CNOT2: variants seen among roughly 807,000 people sequenced by gnomAD.
CNOT2 encodes CC chemokine receptor 4-negative regulator of transcription 2.
CNOT2 carries 7 observed loss-of-function variants against 72.1 expected under a neutral mutation model. The observed-to-expected ratio is 0.10, with a 90% CI of 0.06 to 0.18. The LOEUF is 0.18. Ranked by LOEUF, CNOT2 falls within the 10% of genes least tolerant of loss-of-function variation. The pLI is 1.00. For synonymous variants in CNOT2, 196 were observed against 225.6 expected (o/e 0.87, Z 1.17); for missense variants, 345 against 660.3 (o/e 0.52, Z 5.23).
intron 1 of CNOT2, among the ~76,000 whole-genome samples, chr12:70,258,424 T>G (rs1419283304): frequency 1.3e-5 from 2 of 152,230 alleles, no homozygotes; most frequent in African/African-American, 4.8e-5. Context: ...AGCTTATGTT[T>G]TCTGGAGGGC....
intron 15 of CNOT2, 150 bp downstream of exon 15, chr12:70,346,474 C>T: frequency 1.8e-6 from 1 of 549,394 alleles, no homozygotes. Context: ...GCTTGACACT[C>T]TTAGAAGAGT....
chr12:70,339,112 A>ACACACC (rs1565828719), intron 11 of CNOT2, among the ~76,000 whole-genome samples: 1 of 149,826 alleles, frequency 6.7e-6, no homozygotes, highest in African/African-American at 2.5e-5. Context: ...ACACACACAC[A>ACACACC]CCTTCCAGAA....
At chr12:70,259,486 C>T (rs931392295) in intron 1 of CNOT2, among the ~76,000 whole-genome samples, 1 of 152,084 alleles carries the variant, frequency 6.6e-6, no homozygotes, top group African/African-American at 2.4e-5. Flanking sequence ...AGAATATTCC[C>T]ATCAACCCTC....
At chr12:70,303,666 A>C (rs1874579809) in intron 2 of CNOT2, among the ~76,000 whole-genome samples, 1 of 151,982 alleles carries the variant, frequency 6.6e-6, no homozygotes, top group African/African-American at 2.4e-5. Flanking sequence ...CCTTCATTTC[A>C]ACTTTGGTGA....
At chr12:70,243,512 C>G (rs1293767608) in intron 1 of CNOT2, 32 bp downstream of exon 1, 1 of 152,404 alleles carries the variant, frequency 6.6e-6, no homozygotes, top group African/African-American at 2.4e-5. Context: ...GGAAGTCTGG[C>G]AGCGGGGCGC....
chr12:70,289,012 G>A (rs546651022), intron 2 of CNOT2, among the ~76,000 whole-genome samples: 7 of 148,992 alleles, frequency 4.7e-5, no homozygotes, highest in African/African-American at 1.2e-4. Context: ...CTCTCCTTTC[G>A]CTTTTTTTTT....
chr12:70,353,596 C>CT (rs1883140971), intron 15 of CNOT2, among the ~76,000 whole-genome samples: 1 of 151,918 alleles, frequency 6.6e-6, no homozygotes. Flanking sequence ...TTAGTAGTCT[C>CT]TTGACTTACA....
intron 1 of CNOT2, among the ~76,000 whole-genome samples, chr12:70,262,535 A>G (rs999917157): frequency 3.3e-5 from 5 of 152,206 alleles, no homozygotes; most frequent in African/African-American, 1.2e-4. Context: ...TTGGCCTCCC[A>G]AAGTGCTGGG....
At chr12:70,274,230 G>C (rs1394129773) in intron 1 of CNOT2, among the ~76,000 whole-genome samples, 1 of 151,958 alleles carries the variant, frequency 6.6e-6, no homozygotes, top group Non-Finnish European at 1.5e-5. Flanking sequence ...TAGTTCATAA[G>C]GGCAAGGAAA....
chr12:70,318,260 T>G (rs1279851526), intron 3 of CNOT2, among the ~76,000 whole-genome samples: 1 of 152,032 alleles, frequency 6.6e-6, no homozygotes. Flanking sequence ...TTTCGCATTC[T>G]TCTATGCCAT....
chr12:70,262,751 G>A (rs1012450133), intron 1 of CNOT2, among the ~76,000 whole-genome samples: 7 of 151,342 alleles, frequency 4.6e-5, no homozygotes, highest in South Asian at 2.1e-4. Flanking sequence ...TCGGCTCACC[G>A]CAACCTCTAC....
At position 70,278,163 on chromosome 12, in the gene CNOT2, C is replaced by T; in HGVS notation, c.-64C>T. ...ACGTGGTGGGCGGTCCTTCCTGTGA[C>T]ACGACCCTTGAGTGACAGTTCTATT... On this transcript the variant is annotated 5_prime_UTR_variant, in exon 2 of 16. Transcript: ENST00000229195. The T allele has an allele frequency of 7.8e-7, 1 of 1,277,196 alleles. No individual in the cohort carries two copies. Among genetic ancestry groups the T allele is most frequent in the Non-Finnish European group, 1.1e-6 (1 of 883,214 alleles). 79.1% of individuals were successfully genotyped at this position (1,277,196 alleles called of 1,614,324 possible). A position where few individuals can be genotyped will look rare whatever the true frequency, so the allele number is the denominator to read the frequency against.
chr12:70,340,814 C>CT (rs1287614616), intron 11 of CNOT2, among the ~76,000 whole-genome samples: 2 of 151,102 alleles, frequency 1.3e-5, no homozygotes, highest in Non-Finnish European at 2.9e-5. Context: ...CAAGACAATC[C>CT]TTTTTTAATA....
intron 5 of CNOT2, 85 bp downstream of exon 5, chr12:70,329,655 T>A: frequency 1.0e-6 from 1 of 963,498 alleles, no homozygotes; most frequent in Non-Finnish European, 1.6e-6. Flanking sequence ...GGTAATTAAT[T>A]ACTTGATTTT....
chr12:70,294,178 G>C, intron 2 of CNOT2: 1 of 1,289,296 alleles, frequency 7.8e-7, no homozygotes, highest in Non-Finnish European at 1.0e-6. Context: ...TCTCAGGGGA[G>C]CTCCTAGGGT....
At chr12:70,300,781 A>T (rs1257742013) in intron 2 of CNOT2, among the ~76,000 whole-genome samples, 1 of 152,120 alleles carries the variant, frequency 6.6e-6, no homozygotes, top group Non-Finnish European at 1.5e-5. Context: ...CTTGATGGGG[A>T]TGGCATTGAA....
At chr12:70,252,420 C>G (rs1958185577) in intron 1 of CNOT2, among the ~76,000 whole-genome samples, 1 of 152,142 alleles carries the variant, frequency 6.6e-6, no homozygotes, top group Non-Finnish European at 1.5e-5. Flanking sequence ...CTCCTGCGCT[C>G]AAGCCATCTG....
chr12:70,348,511 T>A (rs1036780247), intron 15 of CNOT2, among the ~76,000 whole-genome samples: 1 of 152,012 alleles, frequency 6.6e-6, no homozygotes, highest in African/African-American at 2.4e-5. Context: ...AAGAAAAAAA[T>A]TTTATTAGGA....
chr12:70,332,686 C>A, intron 6 of CNOT2, 81 bp from the exon 7 acceptor site: 11 of 1,439,000 alleles, frequency 7.6e-6, no homozygotes, highest in Non-Finnish European at 1.0e-5. Context: ...ATATGGAGAC[C>A]AAAAATACAC....
Sources: gnomAD v4.1 joint callset for allele counts (sites outside exome capture counted in the v4.1 genomes callset) on GRCh38, gnomAD v4.1.1 for gene constraint, MANE v1.5 for transcripts, NCBI Gene and HGNC (gene_info 2026-07-23, HGNC 2026-07-21) for gene names.